TDP2: variants seen among roughly 807,000 people sequenced by gnomAD.
The protein encoded by TDP2 is 5'-Tyr-DNA phosphodiesterase.
Under a neutral mutation model 42.8 loss-of-function variants are expected in TDP2, and 38 were observed. That is an observed-to-expected ratio of 0.89 (90% CI 0.68 to 1.16). The LOEUF is 1.16. Ranked by LOEUF, TDP2 falls within the 50% of genes most tolerant of loss-of-function variation. The pLI is 0.00. For missense variants in TDP2, 439 were observed against 439.3 expected (o/e 1.00, Z 0.01); for synonymous variants, 173 against 150.6 (o/e 1.15, Z -1.09).
In TDP2 at chr6:24,650,608, T is replaced by C; in HGVS notation, c.*180A>G. 6 of 645,672 alleles carry C rather than the reference T, an allele frequency of 9.3e-6. No homozygotes were observed. In the South Asian group the frequency reaches 1.2e-4, roughly 13 times the overall value. The allele number at this position is 645,672 out of a possible 1,614,324, so 40.0% of individuals were successfully genotyped here. A position where few individuals can be genotyped will look rare whatever the true frequency, so the allele number is the denominator to read the frequency against. On this transcript the variant is annotated 3_prime_UTR_variant, in exon 7 of 7. Coordinates refer to ENST00000378198, the MANE Select transcript of TDP2 (RefSeq NM_016614.3). ...GCCTCACATCCTGAATGCAGGAATG[T>C]GTTCGTTTAAATAAACATTAATCTT...
Position 24,658,843 on chromosome 6 carries a change from A to C in TDP2, c.252-109T>G. 7.3e-6 allele frequency: 8 copies of C among 1,103,052 alleles called. No individual in the cohort carries two copies. In the South Asian group the frequency reaches 1.2e-4, roughly 17 times the overall value. The allele number at this position is 1,103,052 out of a possible 1,614,324, so 68.3% of individuals were successfully genotyped here. ...ACAGACAAATTTTAAAAGAGCCCTAAAAGTGACACTGTCCTTACAGGGTTA... is the reference window on the plus strand; with the variant it reads ...ACAGACAAATTTTAAAAGAGCCCTACAAGTGACACTGTCCTTACAGGGTTA... On this transcript the variant is annotated intron_variant, in intron 2 of 6. Transcript: ENST00000378198.
At chr6:24,658,035 T>A (rs967272936) in intron 3 of TDP2, 132 bp from the exon 4 acceptor site, 1 of 554,028 alleles carries the variant, frequency 1.8e-6, no homozygotes, top group Non-Finnish European at 3.2e-6. Context: ...GTGTTTATGC[T>A]GATCTTTGAT....
intron 6 of TDP2, among the ~76,000 whole-genome samples, chr6:24,652,002 T>C (rs540945448): frequency 2.0e-5 from 3 of 152,202 alleles, no homozygotes; most frequent in Non-Finnish European, 2.9e-5. Flanking sequence ...TGAAACTCTG[T>C]ACCCATTAAA....
chr6:24,662,185 A>G (rs1459952722), intron 2 of TDP2, among the ~76,000 whole-genome samples: 1 of 152,078 alleles, frequency 6.6e-6, no homozygotes, highest in African/African-American at 2.4e-5. Flanking sequence ...AGCCTGAGAT[A>G]ATGGCCTCAT....
At chr6:24,665,291 T>C (rs1487783076) in intron 2 of TDP2, among the ~76,000 whole-genome samples, 1 of 152,206 alleles carries the variant, frequency 6.6e-6, no homozygotes. Context: ...CTTGACTCTC[T>C]TGGTCCTAAT....
At chr6:24,662,691 T>C (rs9393575) in intron 2 of TDP2, among the ~76,000 whole-genome samples, 19,339 of 152,160 alleles carry the variant, frequency 0.13, 2,258 homozygotes, top group East Asian at 0.45. Flanking sequence ...GGGCCCACTT[T>C]TCTTCCTCTA....
chr6:24,666,473 C>T, intron 2 of TDP2, 53 bp downstream of exon 2: 1 of 1,577,898 alleles, frequency 6.3e-7, no homozygotes, highest in Non-Finnish European at 8.7e-7. Flanking sequence ...GCAGGGCTAC[C>T]TGGTATCAAA....
At chr6:24,658,787 AG>A in intron 2 of TDP2, 53 bp from the exon 3 acceptor site, 1 of 1,538,558 alleles carries the variant, frequency 6.5e-7, no homozygotes, top group Non-Finnish European at 8.8e-7. Context: ...AAATTGATTA[AG>A]AATTATTTTG....
Position 24,650,013 on chromosome 6 carries a change from G to A in TDP2, c.*775C>T, listed in dbSNP as rs943769141. 7.2e-5 allele frequency: 11 copies of A among 151,952 alleles called. No homozygotes were observed. Among genetic ancestry groups the A allele is most frequent in the African/African-American group, 2.7e-4 (11 of 41,330 alleles). The allele number at this position is 151,952 out of a possible 1,614,324, so 9.4% of individuals were successfully genotyped here. On this transcript the variant is annotated 3_prime_UTR_variant, in exon 7 of 7. Coordinates refer to ENST00000378198, the MANE Select transcript of TDP2 (RefSeq NM_016614.3). ...AATTCTTTATTTAAATTTCTCTTGT[G>A]GGGAAAATATTTTTCTTTAAAGCAC...
At position 24,666,749 on chromosome 6, in the gene TDP2, G is replaced by A; in HGVS notation, c.114C>T (p.Cys38=). The A allele has an allele frequency of 1.2e-6, 2 of 1,614,234 alleles. No homozygotes were observed. The highest frequency in any genetic ancestry group is 2.2e-5 in the East Asian group (1 of 44,886). ...GGAAGCACTGAGCCACTGCGGCATC[G>A]CAGCTTGCGACCGAGGCAAACTCCA... ...LCVEFASVAS[C]DAAVAQCFLA... Residue 38 remains cysteine (C), a synonymous_variant, in exon 1 of 7, where the codon TGC becomes TGT. Transcript: ENST00000378198.
chr6:24,658,746 A>C lies in TDP2; in HGVS notation c.252-12T>G, dbSNP rs1275388227. On this transcript the variant is annotated splice_polypyrimidine_tract_variant and intron_variant, in intron 2 of 6. Transcript: ENST00000378198. ...TGGTTAGGTCAACACTGGCAAGATC[A>C]GAATAAAACATGGCTTTGCAAATAA... 2 of 1,601,874 alleles carry C rather than the reference A, an allele frequency of 1.2e-6. No homozygotes were observed. The highest frequency in any genetic ancestry group is 2.2e-5 in the South Asian group (2 of 89,080).
chr6:24,659,457 T>C (rs140909215), intron 2 of TDP2, among the ~76,000 whole-genome samples: 25 of 152,330 alleles, frequency 1.6e-4, no homozygotes, highest in African/African-American at 6.0e-4. Flanking sequence ...ATAAACCTTC[T>C]AAATTGATTT....
chr6:24,652,244 G>A (rs1179449150), intron 6 of TDP2, among the ~76,000 whole-genome samples: 8 of 152,078 alleles, frequency 5.3e-5, no homozygotes, highest in African/African-American at 9.7e-5. Context: ...TATACATATA[G>A]CACATTTTGT....
intron 6 of TDP2, among the ~76,000 whole-genome samples, chr6:24,652,015 C>T (rs1777983847): frequency 6.6e-6 from 1 of 152,204 alleles, no homozygotes; most frequent in Non-Finnish European, 1.5e-5. Flanking sequence ...CCATTAAACA[C>T]CAATTCACCA....
intron 2 of TDP2, 183 bp downstream of exon 2, chr6:24,666,343 T>G (rs1778235155): frequency 6.7e-7 from 1 of 1,485,300 alleles, no homozygotes; most frequent in African/African-American, 1.4e-5. Flanking sequence ...CAGTGTTAGA[T>G]CCGCTGCTGG....
At chr6:24,654,347 T>G in intron 5 of TDP2, 65 bp downstream of exon 5, 2 of 856,762 alleles carry the variant, frequency 2.3e-6, no homozygotes, top group East Asian at 2.7e-5. Context: ...TTAAAAAGAA[T>G]AATAACACAA....
Position 24,650,722 on chromosome 6 carries a change from T to C in TDP2, c.*66A>G, listed in dbSNP as rs1777958058. On this transcript the variant is annotated 3_prime_UTR_variant, in exon 7 of 7. Coordinates refer to ENST00000378198, the MANE Select transcript of TDP2 (RefSeq NM_016614.3). ...TACATTATTTCCTCCACAGCAAACC[T>C]ACCTTTCCAGAAGGTGGAAATTGTA... The C allele has an allele frequency of 3.3e-6, 5 of 1,526,856 alleles. No homozygotes were observed. The highest frequency in any genetic ancestry group is 4.5e-6 in the Non-Finnish European group (5 of 1,118,560). 94.6% of individuals were successfully genotyped at this position (1,526,856 alleles called of 1,614,324 possible).
At chr6:24,653,929 C>T (rs1198987192) in intron 5 of TDP2, among the ~76,000 whole-genome samples, 1 of 152,188 alleles carries the variant, frequency 6.6e-6, no homozygotes, top group Non-Finnish European at 1.5e-5. Context: ...ACCATCTCCT[C>T]TATAAAACTC....
chr6:24,653,434 C>T (rs1283433593), intron 5 of TDP2, among the ~76,000 whole-genome samples: 1 of 152,144 alleles, frequency 6.6e-6, no homozygotes, highest in African/African-American at 2.4e-5. Context: ...CCTCAATACA[C>T]CAAAGGCATG....
Sources: allele counts gnomAD v4.1 joint callset (sites outside exome capture counted in the v4.1 genomes callset), GRCh38; gene constraint gnomAD v4.1.1; transcripts MANE v1.5; gene names NCBI Gene and HGNC (gene_info 2026-07-23, HGNC 2026-07-21).